ANKRD45: variants seen among roughly 807,000 people sequenced by gnomAD.
The protein encoded by ANKRD45 is ankyrin repeat domain 45.
In ANKRD45, 21 loss-of-function variants were observed where a neutral mutation model predicts 28.1. The ratio of observed to expected loss-of-function variants is 0.75; its 90% CI spans 0.53 to 1.08. ANKRD45 has a LOEUF of 1.08. Ranked by LOEUF, ANKRD45 falls within the 50% of genes least tolerant of loss-of-function variation. ANKRD45 has a pLI of 0.00. For synonymous variants in ANKRD45, 86 were observed against 103.9 expected (o/e 0.83, Z 1.05); for missense variants, 261 against 308.7 (o/e 0.85, Z 1.16).
chr1:173,615,138 A>C (rs1461241116), intron 5 of ANKRD45, among the ~76,000 whole-genome samples: 3 of 152,056 alleles, frequency 2.0e-5, no homozygotes, highest in African/African-American at 4.8e-5. Context: ...TTGTTTAAAA[A>C]TGCCCCCCCA....
the ANKRD45 span, among the ~76,000 whole-genome samples, chr1:173,697,634 C>G: frequency 3.9e-5 from 6 of 152,146 alleles, no homozygotes; most frequent in Admixed American, 3.3e-4. Context: ...TTGTCACCAC[C>G]AGGCCTGCCT....
intron 3 of ANKRD45, among the ~76,000 whole-genome samples, chr1:173,633,105 C>A (rs1300490112): frequency 6.6e-6 from 1 of 151,784 alleles, no homozygotes; most frequent in Non-Finnish European, 1.5e-5. Flanking sequence ...TGTAAAGACT[C>A]CACCAAACAA....
chr1:173,632,528 CA>C (rs539157127), intron 3 of ANKRD45, among the ~76,000 whole-genome samples: 121 of 114,614 alleles, frequency 1.1e-3, no homozygotes, highest in East Asian at 4.9e-3. Flanking sequence ...AAAGACACAT[CA>C]AAAAAAAAAA....
At chr1:173,702,910 C>T in the ANKRD45 span, among the ~76,000 whole-genome samples, 1 of 151,694 alleles carries the variant, frequency 6.6e-6, no homozygotes, top group Admixed American at 6.6e-5. Flanking sequence ...ATTTCTTTTA[C>T]AGACAGGATC....
chr1:173,714,826 T>C, the ANKRD45 span: 3 of 152,228 alleles, frequency 2.0e-5, no homozygotes, highest in Non-Finnish European at 4.4e-5. Context: ...TGAGGTTACC[T>C]GAATGCCCCA....
At chr1:173,684,381 T>C in the ANKRD45 span, among the ~76,000 whole-genome samples, 5 of 152,114 alleles carry the variant, frequency 3.3e-5, no homozygotes, top group Non-Finnish European at 5.9e-5. Context: ...CTTTGCTTGA[T>C]TTTCCAAAAG....
intron 2 of ANKRD45, among the ~76,000 whole-genome samples, chr1:173,650,114 T>C (rs1376617555): frequency 6.6e-6 from 1 of 152,190 alleles, no homozygotes. Flanking sequence ...TCTTATTTTA[T>C]TATTATTACA....
chr1:173,681,444 T>G, the ANKRD45 span, among the ~76,000 whole-genome samples: 2 of 152,238 alleles, frequency 1.3e-5, no homozygotes, highest in Non-Finnish European at 2.9e-5. Context: ...AGTATTTTAT[T>G]TAACTGCTTT....
At chr1:173,645,151 T>G (rs187589557) in intron 3 of ANKRD45, among the ~76,000 whole-genome samples, 2 of 152,328 alleles carry the variant, frequency 1.3e-5, no homozygotes. Context: ...TAGAAAATAT[T>G]TAGTTCAAGT....
upstream of ANKRD45, among the ~76,000 whole-genome samples, chr1:173,674,696 T>C (rs1903411): frequency 0.17 from 25,878 of 152,214 alleles, 7,342 homozygotes; most frequent in African/African-American, 0.59. Flanking sequence ...TTCTGATTAG[T>C]CTCTCCAAAG....
the ANKRD45 span, among the ~76,000 whole-genome samples, chr1:173,681,468 C>A: frequency 6.6e-6 from 1 of 151,836 alleles, no homozygotes; most frequent in East Asian, 1.9e-4. Flanking sequence ...TTTCTTAAGC[C>A]GATTAGAGCT....
At chr1:173,664,790 C>A (rs1226257578) in intron 1 of ANKRD45, among the ~76,000 whole-genome samples, 1 of 152,174 alleles carries the variant, frequency 6.6e-6, no homozygotes, top group African/African-American at 2.4e-5. Context: ...TTCAGACTTA[C>A]CACAATTCTT....
chr1:173,710,872 C>T, the ANKRD45 span, among the ~76,000 whole-genome samples: 2 of 152,064 alleles, frequency 1.3e-5, no homozygotes, highest in African/African-American at 4.8e-5. Context: ...CCCTCTCCTG[C>T]CTTGCACATG....
chr1:173,644,993 C>CAAAAAAA (rs34936839), intron 3 of ANKRD45, among the ~76,000 whole-genome samples: 1 of 131,360 alleles, frequency 7.6e-6, no homozygotes, highest in African/African-American at 3.0e-5. Context: ...AACTCCATCT[C>CAAAAAAA]AAAAAAAAAA....
chr1:173,655,937 G>A (rs1669486413), intron 2 of ANKRD45, among the ~76,000 whole-genome samples: 1 of 152,184 alleles, frequency 6.6e-6, no homozygotes, highest in African/African-American at 2.4e-5. Flanking sequence ...CTCCTGGTGT[G>A]CCATTTGCTA....
chr1:173,627,065 C>G lies in ANKRD45; in HGVS notation c.591G>C (p.Lys197Asn), dbSNP rs1004769219. The G allele has an allele frequency of 5.0e-6, 8 of 1,595,504 alleles. No homozygotes were observed. Among genetic ancestry groups the G allele is most frequent in the Admixed American group, 1.7e-5 (1 of 59,876 alleles). Reference protein sequence around the residue: ...KGSGKLLKEDKNTILSACRAK... With the variant: ...KGSGKLLKEDNNTILSACRAK... ...ACAAGCAATAATCACAATACAGTAC[C>G]TTGTCTTCCTTAAGGAGTTTCCCTG... Residue 197 changes from lysine (K) to asparagine (N), a missense_variant and splice_region_variant, in exon 4 of 6, where the codon AAG becomes AAC. Coordinates refer to ENST00000333279, the MANE Select transcript of ANKRD45 (RefSeq NM_198493.3).
intron 3 of ANKRD45, among the ~76,000 whole-genome samples, chr1:173,629,330 A>G (rs1007689231): frequency 1.3e-5 from 2 of 152,210 alleles, no homozygotes; most frequent in African/African-American, 4.8e-5. Context: ...TCAATCCCAG[A>G]GTGAAAGAGA....
chr1:173,657,027 C>G (rs1669553046), intron 2 of ANKRD45, among the ~76,000 whole-genome samples: 1 of 147,568 alleles, frequency 6.8e-6, no homozygotes, highest in African/African-American at 2.5e-5. Context: ...ATGCTCCCAC[C>G]TTGGCCTCCC....
At chr1:173,637,080 C>T in intron 3 of ANKRD45, 2 of 1,229,896 alleles carry the variant, frequency 1.6e-6, no homozygotes, top group African/African-American at 1.5e-5. Flanking sequence ...ATAGATATCA[C>T]AAAAGAAATC....
Sources: gnomAD v4.1 joint callset for allele counts (sites outside exome capture counted in the v4.1 genomes callset) on GRCh38, gnomAD v4.1.1 for gene constraint, MANE v1.5 for transcripts, NCBI Gene and HGNC (gene_info 2026-07-23, HGNC 2026-07-21) for gene names.